Variants in CLCN6 observed in about 807,000 individuals in gnomAD.
CLCN6 encodes the protein H(+)/Cl(-) exchange transporter 6.
CLCN6 carries 70 observed loss-of-function variants against 109.8 expected under a neutral mutation model. The observed-to-expected ratio is 0.64, with a 90% CI of 0.53 to 0.78. CLCN6 has a LOEUF of 0.78. Ranked by LOEUF, CLCN6 falls within the 30% of genes least tolerant of loss-of-function variation. The pLI is 0.00. For synonymous variants in CLCN6, 444 were observed against 447.8 expected (o/e 0.99, Z 0.11); for missense variants, 984 against 1,142.3 (o/e 0.86, Z 2.00).
At chr1:11,840,076 C>T in intron 22 of CLCN6, 67 bp from the exon 23 acceptor site, 1 of 1,299,246 alleles carries the variant, frequency 7.7e-7, no homozygotes, top group East Asian at 2.3e-5. Context: ...AGGGCCGGCT[C>T]CTGTCACTCC....
intron 13 of CLCN6, among the ~76,000 whole-genome samples, chr1:11,831,404 C>T (rs1352976280): frequency 6.6e-6 from 1 of 151,934 alleles, no homozygotes; most frequent in South Asian, 2.1e-4. Flanking sequence ...ATCCGCCCAC[C>T]TCGGCCTCCC....
At chr1:11,818,316 C>T (rs1644699851) in intron 4 of CLCN6, among the ~76,000 whole-genome samples, 1 of 151,932 alleles carries the variant, frequency 6.6e-6, no homozygotes, top group Non-Finnish European at 1.5e-5. Context: ...AAATCCAAAA[C>T]TTTTTGAATG....
chr1:11,840,272 T>A lies in CLCN6; in HGVS notation c.*49T>A. 1 of 1,507,192 alleles carries A rather than the reference T, an allele frequency of 6.6e-7. No individual in the cohort carries two copies. The highest frequency in any genetic ancestry group is 9.2e-7 in the Non-Finnish European group (1 of 1,089,760). 93.4% of individuals were successfully genotyped at this position (1,507,192 alleles called of 1,614,324 possible). On this transcript the variant is annotated 3_prime_UTR_variant, in exon 23 of 23. Coordinates refer to ENST00000346436, the MANE Select transcript of CLCN6 (RefSeq NM_001286.5). ...TGCTGCCTGGGGAGGCAAATCATGC[T>A]CACTCCGGCGGGCACAGCTGGCTGG...
chr1:11,827,274 G>T (rs1644824978), intron 10 of CLCN6, 53 bp downstream of exon 10: 2 of 1,572,898 alleles, frequency 1.3e-6, no homozygotes, highest in East Asian at 4.5e-5. Context: ...ATTACACTGG[G>T]TGTCCCTTAC....
At chr1:11,811,901 A>G (rs534089151) in intron 2 of CLCN6, among the ~76,000 whole-genome samples, 44 of 152,236 alleles carry the variant, frequency 2.9e-4, no homozygotes, top group African/African-American at 1.0e-3. Context: ...AGTAATTTCC[A>G]TACATATTTT....
intron 18 of CLCN6, among the ~76,000 whole-genome samples, chr1:11,836,519 C>A (rs1455064641): frequency 6.6e-6 from 1 of 152,196 alleles, no homozygotes; most frequent in Non-Finnish European, 1.5e-5. Context: ...CTCAGGACAG[C>A]TGGGAAAGCT....
intron 18 of CLCN6, 86 bp from the exon 19 acceptor site, chr1:11,836,913 T>G: frequency 6.6e-7 from 1 of 1,510,054 alleles, no homozygotes; most frequent in Non-Finnish European, 9.0e-7. Context: ...CTTCTGACCC[T>G]CCCTGTCACC....
rs374218595 is a variant in CLCN6, at chr1:11,827,321, G to GC, written c.840+100_840+101insC. 312 of 1,284,208 alleles carry GC rather than the reference G, an allele frequency of 2.4e-4. 1 individual carries two copies. In the African/African-American group the frequency reaches 4.0e-3, roughly 17 times the overall value. 79.6% of individuals were successfully genotyped at this position (1,284,208 alleles called of 1,614,324 possible). On this transcript the variant is annotated intron_variant, in intron 10 of 22. Transcript: ENST00000346436. ...AATGGTAGTTTTGATGAGACTGGGG[G>GC]GTCAACTGGATCAGAAACAGCTTTC...
Position 11,823,834 on chromosome 1 carries a change from G to A in CLCN6, c.580+1G>A. ...GGAGTGCTGTTCAGTGTGGCTGGAG[G>A]TAAGAAGGGTCCAACTTGTATCCTT... On this transcript the variant is annotated splice_donor_variant, in intron 7 of 22. Coordinates refer to ENST00000346436, the MANE Select transcript of CLCN6 (RefSeq NM_001286.5). LOFTEE classifies it high-confidence loss of function. The A allele has an allele frequency of 6.2e-7, 1 of 1,614,230 alleles. No homozygotes were observed. Among genetic ancestry groups the A allele is most frequent in the Non-Finnish European group, 8.5e-7 (1 of 1,180,020 alleles).
intron 4 of CLCN6, 87 bp downstream of exon 4, chr1:11,816,767 A>G (rs982449119): frequency 7.0e-6 from 6 of 862,472 alleles, no homozygotes; most frequent in East Asian, 2.8e-5. Context: ...TAACATTGTC[A>G]TTTGTCATTA....
intron 5 of CLCN6, among the ~76,000 whole-genome samples, chr1:11,821,015 G>A (rs970826459): frequency 9.3e-5 from 14 of 151,038 alleles, no homozygotes; most frequent in Non-Finnish European, 1.8e-4. Flanking sequence ...GACAGAGGCT[G>A]CAGTGAGCCG....
Position 11,838,338 on chromosome 1 carries a change from G to A in CLCN6, c.2299G>A (p.Ala767Thr), listed in dbSNP as rs201096522. The A allele has an allele frequency of 6.2e-6, 10 of 1,613,372 alleles. No homozygotes were observed. The highest frequency in any genetic ancestry group is 2.2e-5 in the East Asian group (1 of 44,876). Residue 767 changes from alanine to threonine, a missense_variant, in exon 21 of 23, where the codon GCC becomes ACC. Transcript: ENST00000346436. ...GVCYSESQSS[A>T]SQPRLSYAEM... ...AGTGTCTGGGTTGGAATTGCAGAGC[G>A]CCAGCCAGCCGCGCCTCTCCTATGC...
chr1:11,827,069 C>T lies in CLCN6; in HGVS notation c.708-20C>T, dbSNP rs539368591. ...GCTGGGGGCTCTTTATTGGATAACCCGTCTCTCTCCTCTCCTCAGAGACAA... is the reference window on the plus strand; with the variant it reads ...GCTGGGGGCTCTTTATTGGATAACCTGTCTCTCTCCTCTCCTCAGAGACAA... On this transcript the variant is annotated intron_variant, in intron 9 of 22. Transcript: ENST00000346436. The T allele has an allele frequency of 6.6e-5, 106 of 1,611,702 alleles. 3 individuals carry two copies. The South Asian group carries it at 1.1e-3, about 16-fold the overall frequency.
chr1:11,828,468 C>G lies in CLCN6; in HGVS notation c.965C>G (p.Ser322Cys). ...LNFGEFKCSD[S>C]DKKCHLWTAM... ...TTCCCCTTCTCTCAGTGCTCTGACT[C>G]TGATAAAAAATGTCATCTCTGGACA... Residue 322 changes from serine to cysteine, a missense_variant, in exon 12 of 23, where the codon TCT becomes TGT. By Grantham distance (112) the Ser-to-Cys change is moderately radical. Transcript: ENST00000346436. The G allele has an allele frequency of 6.2e-7, 1 of 1,614,120 alleles. No homozygotes were observed. Among genetic ancestry groups the G allele is most frequent in the South Asian group, 1.1e-5 (1 of 91,082 alleles).
At chr1:11,820,953 G>T (rs1644732959) in intron 5 of CLCN6, among the ~76,000 whole-genome samples, 1 of 151,922 alleles carries the variant, frequency 6.6e-6, no homozygotes, top group Non-Finnish European at 1.5e-5. Flanking sequence ...GCGGGTGCCT[G>T]TAATCCCAGC....
intron 5 of CLCN6, chr1:11,820,380 T>G (rs199885652): frequency 1.7e-4 from 125 of 716,426 alleles, no homozygotes; most frequent in Non-Finnish European, 3.1e-4. Context: ...CAGATGAAGA[T>G]GTAAATATGC....
chr1:11,837,835 A>G (rs1469304168), intron 20 of CLCN6, among the ~76,000 whole-genome samples: 1 of 152,118 alleles, frequency 6.6e-6, no homozygotes, highest in Non-Finnish European at 1.5e-5. Context: ...CGCCACTGTC[A>G]TCACACGGCG....
intron 13 of CLCN6, among the ~76,000 whole-genome samples, chr1:11,830,737 TTA>T (rs369772847): frequency 0.036 from 3,255 of 90,930 alleles, 164 homozygotes; most frequent in East Asian, 0.23. Flanking sequence ...TATGTATATA[TTA>T]TATATATATA....
At position 11,821,096 on chromosome 1, in the gene CLCN6, AAAAC is replaced by A. The variant is rs1364571260; in HGVS notation, c.346+1550_346+1553del. Among the ~76,000 whole-genome samples, 198 of 152,050 alleles carry A rather than the reference AAAAC, an allele frequency of 1.3e-3. 1 individual carries two copies. Among genetic ancestry groups the A allele is most frequent in the Middle Eastern group, 3.4e-3 (1 of 294 alleles). ...TCTCAAAAAACAACAACAAAAAAAAAAAACAAACAAAATCAATAAATTTGACCAC... is the reference window on the plus strand; with the variant it reads ...TCTCAAAAAACAACAACAAAAAAAAAAAACAAAATCAATAAATTTGACCAC... On this transcript the variant is annotated intron_variant, in intron 5 of 22. Transcript: ENST00000346436.
Sources: gnomAD v4.1 joint callset for allele counts (sites outside exome capture counted in the v4.1 genomes callset) on GRCh38, gnomAD v4.1.1 for gene constraint, MANE v1.5 for transcripts, NCBI Gene and HGNC (gene_info 2026-07-23, HGNC 2026-07-21) for gene names.